Variants in RAB38 observed in about 807,000 individuals in gnomAD.
RAB38 encodes the protein RAB38, member RAS oncogene family, also known as ras-related protein Rab-38.
Under a neutral mutation model 18.4 loss-of-function variants are expected in RAB38, and 15 were observed. That is an observed-to-expected ratio of 0.82 (90% CI 0.55 to 1.26). RAB38 has a LOEUF of 1.26. Ranked by LOEUF, RAB38 falls within the 50% of genes most tolerant of loss-of-function variation. The probability of loss-of-function intolerance (pLI) is 0.00; values close to 1 mark genes in which losing one functional copy is unlikely to be tolerated. For synonymous variants in RAB38, 101 were observed against 104.4 expected, an observed-to-expected ratio of 0.97 and a Z score of 0.20; for missense variants, 294 against 267.4, an observed-to-expected ratio of 1.10 and a Z score of -0.69.
At chr11:88,074,436 T>G in the RAB38 span, among the ~76,000 whole-genome samples, 3 of 152,210 alleles carry the variant, frequency 2.0e-5, no homozygotes, top group Admixed American at 2.0e-4. Flanking sequence ...TATTTCTTTG[T>G]TGATATTCTT....
At chr11:87,822,496 A>G in the RAB38 span, among the ~76,000 whole-genome samples, 4 of 152,188 alleles carry the variant, frequency 2.6e-5, no homozygotes, top group East Asian at 1.9e-4. Context: ...AGTCATCTCA[A>G]TGCTCAACTG....
the RAB38 span, among the ~76,000 whole-genome samples, chr11:88,014,637 A>C: frequency 6.6e-6 from 1 of 152,030 alleles, no homozygotes; most frequent in Admixed American, 6.6e-5. Context: ...ACCCATACCT[A>C]CCCTGCTGGC....
At chr11:88,072,148 C>G in the RAB38 span, among the ~76,000 whole-genome samples, 3 of 152,132 alleles carry the variant, frequency 2.0e-5, no homozygotes, top group Admixed American at 1.3e-4. Context: ...AAATACCAGA[C>G]AGTGACTTCA....
chr11:87,898,353 C>T, the RAB38 span, among the ~76,000 whole-genome samples: 5 of 151,616 alleles, frequency 3.3e-5, no homozygotes, highest in Non-Finnish European at 7.4e-5. Context: ...TGTAGCCTTC[C>T]TCAGATCCCA....
At chr11:87,923,332 C>T in the RAB38 span, among the ~76,000 whole-genome samples, 1 of 151,688 alleles carries the variant, frequency 6.6e-6, no homozygotes, top group Non-Finnish European at 1.5e-5. Flanking sequence ...AGGGATTGCC[C>T]TTTTTTTCCT....
the RAB38 span, among the ~76,000 whole-genome samples, chr11:88,005,386 A>C: frequency 7.4e-6 from 1 of 135,286 alleles, no homozygotes; most frequent in African/African-American, 2.8e-5. Flanking sequence ...CAATGAAGGA[A>C]ATAAAAACCA....
chr11:87,830,737 T>A, the RAB38 span, among the ~76,000 whole-genome samples: 1 of 152,096 alleles, frequency 6.6e-6, no homozygotes, highest in Non-Finnish European at 1.5e-5. Context: ...ATATATTAGA[T>A]ATTACCCATC....
At chr11:88,111,735 A>G (rs1942476780), downstream of RAB38, among the ~76,000 whole-genome samples, 1 of 152,230 alleles carries the variant, frequency 6.6e-6, no homozygotes, top group Non-Finnish European at 1.5e-5. Context: ...AGCCTGGTCA[A>G]TAGAGAACAA....
At chr11:88,003,963 A>G in the RAB38 span, among the ~76,000 whole-genome samples, 1 of 126,216 alleles carries the variant, frequency 7.9e-6, no homozygotes, top group East Asian at 2.2e-4. Context: ...ATATATACCT[A>G]TATATAAAGG....
chr11:88,087,962 C>T, the RAB38 span, among the ~76,000 whole-genome samples: 1 of 151,920 alleles, frequency 6.6e-6, no homozygotes, highest in African/African-American at 2.4e-5. Context: ...CTTAATATTA[C>T]AGGAGCTGAA....
At chr11:87,971,935 TA>T in the RAB38 span, among the ~76,000 whole-genome samples, 136 of 137,132 alleles carry the variant, frequency 9.9e-4, no homozygotes, top group African/African-American at 3.5e-3. Flanking sequence ...TTTTTTTTTT[TA>T]AAGCTATTTA....
chr11:88,030,748 C>A, the RAB38 span, among the ~76,000 whole-genome samples: 1 of 152,130 alleles, frequency 6.6e-6, no homozygotes, highest in Non-Finnish European at 1.5e-5. Flanking sequence ...AGCTTACCAA[C>A]CAAAAAGAGT....
At chr11:88,010,418 C>T in the RAB38 span, among the ~76,000 whole-genome samples, 3 of 152,026 alleles carry the variant, frequency 2.0e-5, no homozygotes, top group Non-Finnish European at 2.9e-5. Flanking sequence ...TAACTGACTG[C>T]CAGGGTGGTC....
chr11:87,938,802 C>T, the RAB38 span, among the ~76,000 whole-genome samples: 4 of 151,734 alleles, frequency 2.6e-5, no homozygotes, highest in Non-Finnish European at 5.9e-5. Flanking sequence ...TATAATTCAC[C>T]ACTTTGTAGC....
chr11:88,082,077 AG>A, the RAB38 span, among the ~76,000 whole-genome samples: 1 of 151,922 alleles, frequency 6.6e-6, no homozygotes, highest in Non-Finnish European at 1.5e-5. Flanking sequence ...GACAAAAATC[AG>A]ATCGGTAGTT....
chr11:88,048,508 A>G, the RAB38 span, among the ~76,000 whole-genome samples: 1 of 152,156 alleles, frequency 6.6e-6, no homozygotes, highest in Non-Finnish European at 1.5e-5. Flanking sequence ...AGGACTGGAC[A>G]GTACTTTTAC....
At chr11:88,110,109 G>T (rs531097828), downstream of RAB38, among the ~76,000 whole-genome samples, 2 of 152,226 alleles carry the variant, frequency 1.3e-5, no homozygotes, top group East Asian at 3.9e-4. Flanking sequence ...CAAAGACTTG[G>T]AACCAACCCA....
At chr11:88,071,590 G>C in the RAB38 span, among the ~76,000 whole-genome samples, 1 of 152,098 alleles carries the variant, frequency 6.6e-6, no homozygotes, top group African/African-American at 2.4e-5. Flanking sequence ...TAAATTCAGA[G>C]AAAGACCCCA....
chr11:88,046,681 C>G, the RAB38 span, among the ~76,000 whole-genome samples: 56 of 152,268 alleles, frequency 3.7e-4, no homozygotes, highest in Admixed American at 3.7e-3. Context: ...TCTCTCAAAC[C>G]CCAACACCTT....
Sources: allele counts gnomAD v4.1 joint callset (sites outside exome capture counted in the v4.1 genomes callset), GRCh38; gene constraint gnomAD v4.1.1; transcripts MANE v1.5; gene names NCBI Gene and HGNC (gene_info 2026-07-23, HGNC 2026-07-21).